Variants in DLG2 observed in about 807,000 individuals in gnomAD.
DLG2 encodes discs large MAGUK scaffold protein 2, also known as disks large homolog 2.
In DLG2, 45 loss-of-function variants were observed where a neutral mutation model predicts 132.5. The ratio of observed to expected loss-of-function variants is 0.34; its 90% confidence interval spans 0.27 to 0.44. The LOEUF is 0.44. Among genes scored for constraint, DLG2 ranks in the 20% least tolerant of loss-of-function variants. The pLI, the probability that DLG2 is intolerant of heterozygous loss-of-function variation, is 1.00. For synonymous variants in DLG2, 424 were observed against 419.6 expected, an observed-to-expected ratio of 1.01 and a Z score of -0.13; for missense variants, 1,045 against 1,196.9, an observed-to-expected ratio of 0.87 and a Z score of 1.87.
At chr11:83,465,523 A>T (rs1445958380) in intron 26 of DLG2, among the ~76,000 whole-genome samples, 1 of 152,176 alleles carries the variant, frequency 6.6e-6, no homozygotes, top group African/African-American at 2.4e-5. Context: ...GCAAAATTTG[A>T]TCAAGGCCCT....
intron 3 of DLG2, among the ~76,000 whole-genome samples, chr11:85,494,428 G>A (rs114305535): frequency 6.6e-6 from 1 of 151,976 alleles, no homozygotes; most frequent in Non-Finnish European, 1.5e-5. Context: ...TGTGGTAACT[G>A]GGAAAAACAA....
chr11:84,092,350 A>G (rs2097105718), intron 10 of DLG2, among the ~76,000 whole-genome samples: 1 of 152,054 alleles, frequency 6.6e-6, no homozygotes, highest in South Asian at 2.1e-4. Context: ...CTTTTACATA[A>G]CTCCTTTACA....
chr11:85,541,070 T>C (rs547757721), intron 3 of DLG2, among the ~76,000 whole-genome samples: 6 of 152,200 alleles, frequency 3.9e-5, no homozygotes, highest in Non-Finnish European at 5.9e-5. Context: ...ATAAATTCTT[T>C]AGTATTTAAG....
rs529828380 is a variant in DLG2, at chr11:85,115,947, G to A, written c.283-4212C>T. ...GATAAATGAATCCTACCAGGAAGTG[G>A]ACATGGAAGGACCCAGATCTGATCC... On this transcript the variant is annotated intron_variant, in intron 5 of 27. Coordinates refer to ENST00000376104, the MANE Select transcript of DLG2 (RefSeq NM_001142699.3). Among the ~76,000 whole-genome samples the A allele has an allele frequency of 6.6e-5, 10 of 152,012 alleles. No homozygotes were observed. The South Asian group carries it at 1.9e-3, about 28-fold the overall frequency.
intron 7 of DLG2, among the ~76,000 whole-genome samples, chr11:84,305,309 A>G (rs1354929086): frequency 6.6e-6 from 1 of 152,222 alleles, no homozygotes; most frequent in African/African-American, 2.4e-5. Context: ...TAAATGGAAT[A>G]AAAAGACCAG....
intron 12 of DLG2, among the ~76,000 whole-genome samples, chr11:83,978,266 G>C (rs1010249716): frequency 6.6e-6 from 1 of 151,860 alleles, no homozygotes; most frequent in Non-Finnish European, 1.5e-5. Context: ...TACAATAGCA[G>C]TGGATGAAGA....
At position 84,862,824 on chromosome 11, in the gene DLG2, G is replaced by C. The variant is rs71465959; in HGVS notation, c.357+248837C>G. Among the ~76,000 whole-genome samples the C allele has an allele frequency of 1.1e-3, 141 of 127,702 alleles. 4 individuals carry two copies. The highest frequency in any genetic ancestry group is 1.9e-3 in the Non-Finnish European group (110 of 57,736). The allele number at this position is 127,702 out of a possible 152,430, so 83.8% of individuals were successfully genotyped here. ...TCACACACCAGGTCCTGTCGGGGGGGGGGGGTGGGGGACTAGGGGAGGAAT... is the reference window on the plus strand; with the variant it reads ...TCACACACCAGGTCCTGTCGGGGGGCGGGGGTGGGGGACTAGGGGAGGAAT... On this transcript the variant is annotated intron_variant, in intron 6 of 27. Coordinates refer to ENST00000376104, the MANE Select transcript of DLG2 (RefSeq NM_001142699.3).
chr11:85,195,221 G>A (rs1032585291), intron 4 of DLG2, among the ~76,000 whole-genome samples: 1 of 152,134 alleles, frequency 6.6e-6, no homozygotes, highest in Admixed American at 6.5e-5. Flanking sequence ...TCTAGTTAGC[G>A]GAGGCAAAGG....
intron 7 of DLG2, among the ~76,000 whole-genome samples, chr11:84,359,336 A>C (rs1403172725): frequency 6.6e-6 from 1 of 151,870 alleles, no homozygotes; most frequent in Non-Finnish European, 1.5e-5. Flanking sequence ...ATTTACCTTT[A>C]ATCTTAACAC....
chr11:83,674,439 A>C lies in DLG2; in HGVS notation c.1826-41114T>G, dbSNP rs1341664597. 2.6e-5 allele frequency among the ~76,000 whole-genome samples: 4 copies of C among 152,362 alleles called. No homozygotes were observed. In the South Asian group the frequency reaches 6.2e-4, roughly 24 times the overall value. On this transcript the variant is annotated intron_variant, in intron 18 of 27. Coordinates refer to ENST00000376104, the MANE Select transcript of DLG2 (RefSeq NM_001142699.3). The stretch of plus-strand genomic sequence containing the variant: ...TTCTCTATTTGTACAAGGAAGCCAC[A>C]AAACAAGACAAAGAAGATTTTATCT...
chr11:84,968,801 T>G (rs1264536631), intron 6 of DLG2, among the ~76,000 whole-genome samples: 1 of 152,178 alleles, frequency 6.6e-6, no homozygotes, highest in Non-Finnish European at 1.5e-5. Context: ...AACATGTTAG[T>G]GGCAGAACTG....
In DLG2 at chr11:85,189,698, A is replaced by G. The variant is rs560783716; in HGVS notation, c.187-35047T>C. ...GATGATTACATATGTTAAAATTCAA[A>G]GACCCATGTACCAAAAGGCATCTTT... On this transcript the variant is annotated intron_variant, in intron 4 of 27. Transcript: ENST00000376104. Among the ~76,000 whole-genome samples, 3 of 152,340 alleles carry G rather than the reference A, an allele frequency of 2.0e-5. No homozygotes were observed. In the South Asian group the frequency reaches 6.2e-4, roughly 32 times the overall value.
chr11:85,555,396 A>C (rs1452012157), intron 3 of DLG2, among the ~76,000 whole-genome samples: 7 of 151,910 alleles, frequency 4.6e-5, no homozygotes, highest in African/African-American at 1.7e-4. Context: ...ACCTCAATGC[A>C]CTAATTTATA....
chr11:84,290,497 C>T (rs893864484), intron 7 of DLG2, among the ~76,000 whole-genome samples: 10 of 152,000 alleles, frequency 6.6e-5, no homozygotes, highest in East Asian at 3.9e-4. Context: ...AAATACAAAA[C>T]GTGAAAACAT....
chr11:85,404,291 C>G (rs934813398), intron 3 of DLG2, among the ~76,000 whole-genome samples: 1 of 151,904 alleles, frequency 6.6e-6, no homozygotes, highest in Non-Finnish European at 1.5e-5. Flanking sequence ...GAGGTGAATT[C>G]AGAAGAGGAC....
In DLG2 at chr11:84,370,584, C is replaced by T. The variant is rs117091246; in HGVS notation, c.520-119293G>A. Among the ~76,000 whole-genome samples, 139 of 152,168 alleles carry T rather than the reference C, an allele frequency of 9.1e-4. 2 individuals carry two copies. In the East Asian group the frequency reaches 0.026, roughly 28 times the overall value. On this transcript the variant is annotated intron_variant, in intron 7 of 27. Transcript: ENST00000376104. ...CCACAGTGTGTGGTGTACAGTAGGG[C>T]CTCAGAAAGCATCAAATCCTTTTTA...
chr11:85,224,860 A>G (rs1237901933), intron 4 of DLG2, among the ~76,000 whole-genome samples: 1 of 152,218 alleles, frequency 6.6e-6, no homozygotes, highest in African/African-American at 2.4e-5. Context: ...AACTGTGTTT[A>G]GAGAAAGTAC....
intron 8 of DLG2, among the ~76,000 whole-genome samples, chr11:84,181,712 A>G (rs2096132944): frequency 6.6e-6 from 1 of 152,200 alleles, no homozygotes; most frequent in African/African-American, 2.4e-5. Context: ...ACTAATCAAA[A>G]GAAAGTGGGA....
intron 6 of DLG2, among the ~76,000 whole-genome samples, chr11:84,595,046 C>A (rs115483455): frequency 0.021 from 3,128 of 152,212 alleles, 106 homozygotes; most frequent in African/African-American, 0.07. Flanking sequence ...AAAATTACAG[C>A]AGCACTTTGT....
Sources: allele counts gnomAD v4.1 joint callset (sites outside exome capture counted in the v4.1 genomes callset), GRCh38; gene constraint gnomAD v4.1.1; transcripts MANE v1.5; gene names NCBI Gene and HGNC (gene_info 2026-07-23, HGNC 2026-07-21).